The following NALF1 variants were observed in gnomAD, a reference collection of about 807,000 sequenced individuals.
NALF1 encodes the protein family with sequence similarity 155 member A.
In NALF1, 3 loss-of-function variants were observed where a neutral mutation model predicts 48.4. The observed-to-expected ratio is 0.06, with a 90% CI of 0.03 to 0.16. NALF1 has a LOEUF of 0.16. Ranked by LOEUF, NALF1 falls within the 10% of genes least tolerant of loss-of-function variation. The pLI, the probability that NALF1 is intolerant of heterozygous loss-of-function variation, is 1.00. For missense variants in NALF1, 526 were observed against 571.5 expected (o/e 0.92, Z 0.81); for synonymous variants, 262 against 245.7 (o/e 1.07, Z -0.62).
chr13:107,499,762 C>T (rs930308016), intron 1 of NALF1, among the ~76,000 whole-genome samples: 1 of 152,070 alleles, frequency 6.6e-6, no homozygotes, highest in Non-Finnish European at 1.5e-5. Flanking sequence ...TAACATATTC[C>T]TAATTATTCT....
chr13:107,447,929 T>C (rs954196484), intron 1 of NALF1, among the ~76,000 whole-genome samples: 1 of 152,196 alleles, frequency 6.6e-6, no homozygotes, highest in African/African-American at 2.4e-5. Flanking sequence ...AGAGTCCTGC[T>C]GAAGTCAGAA....
At chr13:107,687,502 GCA>G (rs57085950) in intron 1 of NALF1, among the ~76,000 whole-genome samples, 2 of 149,046 alleles carry the variant, frequency 1.3e-5, no homozygotes, top group African/African-American at 5.0e-5. Context: ...CAGTGCACAT[GCA>G]CACACACACA....
rs72650550 is a variant in NALF1, at chr13:107,362,253, G to A, written c.916-151498C>T. Among the ~76,000 whole-genome samples the A allele has an allele frequency of 1.8e-3, 281 of 152,262 alleles. 1 individual carries two copies. The highest frequency in any genetic ancestry group is 3.0e-3 in the Non-Finnish European group (203 of 68,018). On this transcript the variant is annotated intron_variant, in intron 1 of 2. Transcript: ENST00000375915. The surrounding 1 kb of genome is among the most constrained non-coding windows in gnomAD (Gnocchi z 4.6). ...TTATGATATTCATGTAAACAGGAAGGAATAGTTGTATTCATTTTCTAGGGC... is the reference window on the plus strand; with the variant it reads ...TTATGATATTCATGTAAACAGGAAGAAATAGTTGTATTCATTTTCTAGGGC...
At chr13:107,771,812 C>T (rs1339946430) in intron 1 of NALF1, among the ~76,000 whole-genome samples, 1 of 152,122 alleles carries the variant, frequency 6.6e-6, no homozygotes, top group Admixed American at 6.5e-5. Context: ...TCTCGGCTCA[C>T]TGCAGCCTCC....
At chr13:107,211,736 T>C (rs1422591619) in intron 1 of NALF1, among the ~76,000 whole-genome samples, 1 of 152,200 alleles carries the variant, frequency 6.6e-6, no homozygotes, top group African/African-American at 2.4e-5. Context: ...TTGCCGGTTA[T>C]ATTTTACCTA....
intron 1 of NALF1, among the ~76,000 whole-genome samples, chr13:107,496,968 A>T (rs1875359745): frequency 6.6e-6 from 1 of 152,160 alleles, no homozygotes; most frequent in Non-Finnish European, 1.5e-5. Flanking sequence ...TTGGGTGGGG[A>T]CACAGAGCCA....
intron 1 of NALF1, among the ~76,000 whole-genome samples, chr13:107,456,340 C>T (rs1365916100): frequency 6.6e-6 from 1 of 152,136 alleles, no homozygotes; most frequent in African/African-American, 2.4e-5. Context: ...TTATGTGGCC[C>T]ATGACATTTA....
At chr13:107,273,445 C>T (rs1881216685) in intron 1 of NALF1, among the ~76,000 whole-genome samples, 1 of 152,134 alleles carries the variant, frequency 6.6e-6, no homozygotes, top group African/African-American at 2.4e-5. Context: ...CAGCCATGAA[C>T]CTAGCATAGA....
intron 1 of NALF1, among the ~76,000 whole-genome samples, chr13:107,790,970 C>T: frequency 6.6e-6 from 1 of 152,004 alleles, no homozygotes. Flanking sequence ...AGCATCTGAT[C>T]CTAAGATAAT....
rs373747875 is a variant in NALF1, at chr13:107,565,268, C to T, written c.915+300414G>A. Among the ~76,000 whole-genome samples, 26 of 150,924 alleles carry T rather than the reference C, an allele frequency of 1.7e-4. No homozygotes were observed. In the East Asian group the frequency reaches 2.0e-3, roughly 11 times the overall value. ...GGAGCAGTGGCCCACACTTGTAATC[C>T]CATCACTTTGGGAGACTCATGCCAG... is the stretch of plus-strand genomic sequence containing the variant. On this transcript the variant is annotated intron_variant, in intron 1 of 2. Coordinates refer to ENST00000375915, the MANE Select transcript of NALF1 (RefSeq NM_001080396.3).
chr13:107,232,078 G>A (rs1594081280), intron 1 of NALF1, among the ~76,000 whole-genome samples: 1 of 152,164 alleles, frequency 6.6e-6, no homozygotes, highest in East Asian at 1.9e-4. Context: ...ACATTAACAA[G>A]GCAGGTCTGG....
chr13:107,549,213 G>T (rs183296023), intron 1 of NALF1, among the ~76,000 whole-genome samples: 2 of 152,272 alleles, frequency 1.3e-5, no homozygotes, highest in African/African-American at 4.8e-5. Flanking sequence ...ACTAATCTAT[G>T]ACATCATTCC....
At chr13:107,397,633 A>C (rs1391773314) in intron 1 of NALF1, among the ~76,000 whole-genome samples, 1 of 151,560 alleles carries the variant, frequency 6.6e-6, no homozygotes, top group African/African-American at 2.4e-5. Flanking sequence ...GTGGCTTCCT[A>C]CATTTTGATT....
chr13:107,395,426 C>T (rs1019050261), intron 1 of NALF1, among the ~76,000 whole-genome samples: 3 of 152,086 alleles, frequency 2.0e-5, no homozygotes, highest in East Asian at 1.9e-4. Flanking sequence ...CCTCCTAGTA[C>T]CTCTTCAGAG....
At chr13:107,759,902 C>T (rs1271548218) in intron 1 of NALF1, among the ~76,000 whole-genome samples, 1 of 152,086 alleles carries the variant, frequency 6.6e-6, no homozygotes. Context: ...CAAGACAGCA[C>T]CTTGTTCTTC....
chr13:107,555,439 A>ATT (rs34486058), intron 1 of NALF1, among the ~76,000 whole-genome samples: 1,917 of 69,910 alleles, frequency 0.027, 138 homozygotes, highest in Non-Finnish European at 0.037. Flanking sequence ...AGCCTGGCTA[A>ATT]TTTTTTTTTT....
chr13:107,236,628 T>C (rs1466025423), intron 1 of NALF1, among the ~76,000 whole-genome samples: 2 of 152,176 alleles, frequency 1.3e-5, no homozygotes, highest in African/African-American at 4.8e-5. Flanking sequence ...CATCTCCCTG[T>C]TTGGTAGCTT....
At chr13:107,312,912 A>C (rs1230680888) in intron 1 of NALF1, among the ~76,000 whole-genome samples, 1 of 152,210 alleles carries the variant, frequency 6.6e-6, no homozygotes, top group Non-Finnish European at 1.5e-5. Flanking sequence ...TAAGTACCAC[A>C]AGATATTTGA....
chr13:107,227,437 C>A (rs996954352), intron 1 of NALF1, among the ~76,000 whole-genome samples: 3 of 152,190 alleles, frequency 2.0e-5, no homozygotes, highest in Admixed American at 6.5e-5. Flanking sequence ...AACACCAGGT[C>A]TATAGAAGGG....
Sources: allele counts gnomAD v4.1 joint callset (sites outside exome capture counted in the v4.1 genomes callset), GRCh38; gene constraint gnomAD v4.1.1; non-coding constraint Gnocchi (gnomAD v3.1); transcripts MANE v1.5; gene names NCBI Gene and HGNC (gene_info 2026-07-23, HGNC 2026-07-21).